The following GON4L variants were observed in gnomAD, a reference collection of about 807,000 sequenced individuals.
The protein encoded by GON4L is GON-4-like protein.
Under a neutral mutation model 211.8 loss-of-function variants are expected in GON4L, and 87 were observed. The observed-to-expected ratio is 0.41, with a 90% CI of 0.35 to 0.49. The LOEUF is 0.49. Ranked by LOEUF, GON4L falls within the 20% of genes least tolerant of loss-of-function variation. GON4L has a pLI of 0.15. For missense variants in GON4L, 2,155 were observed against 2,659.5 expected (o/e 0.81, Z 4.17); for synonymous variants, 875 against 962.6 (o/e 0.91, Z 1.68).
At chr1:155,853,837 A>G (rs1672031558) in intron 1 of GON4L, 31 bp from the exon 2 acceptor site, 6 of 1,322,196 alleles carry the variant, frequency 4.5e-6, no homozygotes, top group Admixed American at 1.8e-5. Flanking sequence ...TACTGCCTTC[A>G]TATTAATTAA....
chr1:155,807,250 G>C (rs1264063769), intron 10 of GON4L, among the ~76,000 whole-genome samples: 1 of 151,978 alleles, frequency 6.6e-6, no homozygotes, highest in Non-Finnish European at 1.5e-5. Context: ...AAAATAAAAA[G>C]TTAGATGGGA....
chr1:155,750,807 A>G (rs1472146083), intron 31 of GON4L, 74 bp from the exon 32 acceptor site: 6 of 1,424,692 alleles, frequency 4.2e-6, no homozygotes, highest in Non-Finnish European at 5.8e-6. Flanking sequence ...TCTGTTGCTG[A>G]GACTGGAGTG....
At chr1:155,748,705 T>C, downstream of GON4L, 5 of 1,613,760 alleles carry the variant, frequency 3.1e-6, no homozygotes, top group Non-Finnish European at 4.2e-6. Context: ...TGGACCCCAC[T>C]GTCTGCATGT....
At position 155,754,622 on chromosome 1, in the gene GON4L, C is replaced by T. The variant is rs180670752; in HGVS notation, c.5518-134G>A. On this transcript the variant is annotated intron_variant, in intron 27 of 31. Transcript: ENST00000368331. ...TCAGCTCACCGCAACCTCTGCCTCC[C>T]AGGTTCAAGGGATTCTCCTGCCTCA... 435 of 609,728 alleles carry T rather than the reference C, an allele frequency of 7.1e-4. 2 individuals are homozygous for T. The highest frequency in any genetic ancestry group is 7.1e-3 in the African/African-American group (377 of 53,292). The allele number at this position is 609,728 out of a possible 1,614,324, so 37.8% of individuals were successfully genotyped here.
chr1:155,791,872 AATAACATAAC>A (rs200057412), intron 12 of GON4L, among the ~76,000 whole-genome samples: 18 of 119,302 alleles, frequency 1.5e-4, no homozygotes, highest in African/African-American at 5.1e-4. Context: ...CCATCTCAAA[AATAACATAAC>A]ATAACATAAC....
In GON4L at chr1:155,765,171, T is replaced by A. The variant is rs374332224; in HGVS notation, c.4302A>T (p.Ser1434=). 8 of 1,614,116 alleles carry A rather than the reference T, an allele frequency of 5.0e-6. No homozygotes were observed. The African/African-American group carries it at 9.3e-5, about 19-fold the overall frequency. ...CCACTGACTGACCATCAACACTGGA[T>A]GAATCTTCTGGCTTCCCTGGGGGGC... ...LSSPPGKPED[S]SSVDGQSVGT... is the part of the protein sequence containing the mutation. The change falls in exon 21 of 32, where the codon TCA becomes TCT. Residue 1434 remains serine (S), a synonymous_variant. Transcript: ENST00000368331.
intron 2 of GON4L, among the ~76,000 whole-genome samples, chr1:155,836,954 T>C (rs552450103): frequency 4.2e-4 from 64 of 152,296 alleles, no homozygotes; most frequent in African/African-American, 1.5e-3. Flanking sequence ...CATTATTCTA[T>C]GGCCCCAACT....
intron 2 of GON4L, among the ~76,000 whole-genome samples, chr1:155,828,401 G>A (rs2102313983): frequency 6.6e-6 from 1 of 151,832 alleles, no homozygotes; most frequent in South Asian, 2.1e-4. Context: ...TGAGGCAGGA[G>A]AATCGCTTGA....
intron 2 of GON4L, among the ~76,000 whole-genome samples, chr1:155,849,591 T>G (rs369638791): frequency 7.4e-6 from 1 of 134,428 alleles, no homozygotes; most frequent in African/African-American, 2.8e-5. Flanking sequence ...CTGACCAACA[T>G]GGTGAAACCC....
intron 11 of GON4L, among the ~76,000 whole-genome samples, chr1:155,801,175 T>C (rs1666627010): frequency 6.6e-6 from 1 of 151,612 alleles, no homozygotes; most frequent in Admixed American, 6.6e-5. Flanking sequence ...TGGAGATTTC[T>C]GAACCTGGTA....
At chr1:155,759,965 T>TTA (rs34443325) in intron 24 of GON4L, among the ~76,000 whole-genome samples, 11,610 of 144,180 alleles carry the variant, frequency 0.081, 519 homozygotes, top group African/African-American at 0.13. Flanking sequence ...ATTTTATATA[T>TTA]TATATATATA....
chr1:155,844,262 T>C (rs1671029748), intron 2 of GON4L, among the ~76,000 whole-genome samples: 2 of 152,188 alleles, frequency 1.3e-5, no homozygotes, highest in South Asian at 4.1e-4. Flanking sequence ...TTGGCAATTG[T>C]AGCCCTGACA....
At chr1:155,748,851 AT>A (rs1660354642), downstream of GON4L, 1 of 1,477,730 alleles carries the variant, frequency 6.8e-7, no homozygotes, top group Non-Finnish European at 9.3e-7. Context: ...TTTCCCCCTA[AT>A]TTCTCGGGCA....
At position 155,795,060 on chromosome 1, in the gene GON4L, C is replaced by T; in HGVS notation, c.1737G>A (p.Val579=). The T allele has an allele frequency of 6.3e-7, 1 of 1,578,580 alleles. No homozygotes were observed. ...TAAACACAGACTCACTGGTGATTCT[C>T]ACTGCCCGGTCAGTCCGGAAATCCT... The part of the protein sequence containing the change: ...DTEDFRTDRA[V]RITKKEVNEL... The change falls in exon 12 of 32, where the codon GTG becomes GTA. Residue 579 remains valine, a synonymous_variant. Coordinates refer to ENST00000368331, the MANE Select transcript of GON4L (RefSeq NM_001282860.2).
In GON4L at chr1:155,752,192, T is replaced by C. The variant is rs1557817534; in HGVS notation, c.6241A>G (p.Ser2081Gly). 1 of 1,613,652 alleles carries C rather than the reference T, an allele frequency of 6.2e-7. No individual in the cohort carries two copies. The highest frequency in any genetic ancestry group is 1.7e-5 in the Admixed American group (1 of 59,988). Residue 2081 changes from serine (S) to glycine (G), a missense_variant, in exon 30 of 32, where the codon AGC becomes GGC. Around this residue, in one of 6 missense-constraint regions of GON4L, gnomAD observed 186 missense variants for 308.1 expected, o/e 0.60. Transcript: ENST00000368331. ...PDTQERWLPS[S>G]RARVKTRDRT... ...TCTCTTGTCTTCACCCGAGCTCTGC[T>C]TGAGGGCAGCCATCTCTCTTGAGTG... is the stretch of plus-strand genomic sequence containing the variant.
chr1:155,797,147 C>T (rs1029670459), intron 11 of GON4L, among the ~76,000 whole-genome samples: 3 of 151,988 alleles, frequency 2.0e-5, no homozygotes, highest in Non-Finnish European at 2.9e-5. Flanking sequence ...TGGAGTCTCG[C>T]TCTGTCGCCC....
At chr1:155,845,781 A>G (rs16837063) in intron 2 of GON4L, 15,355 of 261,368 alleles carry the variant, frequency 0.059, 595 homozygotes, top group African/African-American at 0.12. Context: ...ACAGAAGCAT[A>G]TATTTCAGTA....
In GON4L at chr1:155,847,193, G is replaced by C. The variant is rs539617639; in HGVS notation, c.505+6083C>G. ...GAATACCACAAGTTTTGGACCCATA[G>C]CTCTAGCACTCTCAGGCTTGGGATC... On this transcript the variant is annotated intron_variant, in intron 2 of 31. Coordinates refer to ENST00000368331, the MANE Select transcript of GON4L (RefSeq NM_001282860.2). Among the ~76,000 whole-genome samples, 4 of 152,272 alleles carry C rather than the reference G, an allele frequency of 2.6e-5. No individual in the cohort carries two copies. The South Asian group carries it at 6.2e-4, about 24-fold the overall frequency.
intron 6 of GON4L, among the ~76,000 whole-genome samples, chr1:155,818,649 A>G (rs773790467): frequency 6.6e-5 from 10 of 152,206 alleles, no homozygotes; most frequent in Admixed American, 1.3e-4. Context: ...CACTGTGGAG[A>G]TAATCTAACT....
Sources: gnomAD v4.1 joint callset for allele counts (sites outside exome capture counted in the v4.1 genomes callset) on GRCh38, gnomAD v4.1.1 for gene constraint, gnomAD v4.1.1 regional missense constraint, MANE v1.5 for transcripts, NCBI Gene and HGNC (gene_info 2026-07-23, HGNC 2026-07-21) for gene names.